GSAP: variants seen among roughly 807,000 people sequenced by gnomAD.
The protein encoded by GSAP is gamma-secretase-activating protein.
GSAP carries 118 observed loss-of-function variants against 131.7 expected under a neutral mutation model. The ratio of observed to expected loss-of-function variants is 0.90; its 90% CI spans 0.77 to 1.04. The LOEUF is 1.04. GSAP is among the 50% of genes least tolerant of loss of function. The probability of loss-of-function intolerance (pLI) is 0.00; values close to 1 mark genes in which losing one functional copy is unlikely to be tolerated. For synonymous variants in GSAP, 381 were observed against 363.4 expected (o/e 1.05, Z -0.55); for missense variants, 1,019 against 1,013.2 (o/e 1.01, Z -0.08).
chr7:77,390,659 C>T (rs1041784423), intron 5 of GSAP, among the ~76,000 whole-genome samples: 22 of 151,874 alleles, frequency 1.4e-4, no homozygotes, highest in Admixed American at 4.6e-4. Context: ...AGCTAAATGA[C>T]GAGTTAATGG....
chr7:77,416,353 G>A, upstream of GSAP: 1 of 1,299,014 alleles, frequency 7.7e-7, no homozygotes, highest in Non-Finnish European at 1.0e-6. Flanking sequence ...CGGCTCTGGG[G>A]CCCCGCACCG....
intron 24 of GSAP, among the ~76,000 whole-genome samples, chr7:77,323,271 T>C (rs1787904110): frequency 6.6e-6 from 1 of 152,210 alleles, no homozygotes; most frequent in Admixed American, 6.5e-5. Flanking sequence ...CTGGAACTAA[T>C]TAAGATTTGA....
chr7:77,348,936 C>G (rs1050843837), intron 19 of GSAP, among the ~76,000 whole-genome samples: 6 of 150,974 alleles, frequency 4.0e-5, no homozygotes, highest in East Asian at 1.9e-4. Context: ...ACTGGAAATT[C>G]TGTGTGTGTG....
At chr7:77,410,861 G>T (rs1465545445) in intron 1 of GSAP, among the ~76,000 whole-genome samples, 1 of 151,852 alleles carries the variant, frequency 6.6e-6, no homozygotes, top group Non-Finnish European at 1.5e-5. Context: ...TACATCAAGA[G>T]GTGACAAAAT....
intron 5 of GSAP, among the ~76,000 whole-genome samples, chr7:77,390,247 T>C (rs1273880485): frequency 6.6e-6 from 1 of 152,188 alleles, no homozygotes; most frequent in African/African-American, 2.4e-5. Context: ...CTGTTCACTC[T>C]GATGGTGGTT....
intron 19 of GSAP, among the ~76,000 whole-genome samples, chr7:77,346,270 C>T (rs1315812431): frequency 2.4e-5 from 1 of 40,902 alleles, no homozygotes; most frequent in African/African-American, 9.9e-5. Flanking sequence ...GACTCCATCT[C>T]AAAAAAAAAA....
At chr7:77,318,467 T>A (rs150248485) in intron 26 of GSAP, among the ~76,000 whole-genome samples, 8 of 152,342 alleles carry the variant, frequency 5.3e-5, no homozygotes, top group African/African-American at 1.9e-4. Context: ...GATGAATATA[T>A]ATGAATGAAG....
intron 1 of GSAP, among the ~76,000 whole-genome samples, chr7:77,408,010 A>G (rs1048608045): frequency 6.6e-6 from 1 of 152,240 alleles, no homozygotes; most frequent in Admixed American, 6.5e-5. Flanking sequence ...GTATGTTTCA[A>G]TTCATACACA....
At chr7:77,342,483 C>G (rs1248667978) in intron 19 of GSAP, among the ~76,000 whole-genome samples, 1 of 152,166 alleles carries the variant, frequency 6.6e-6, no homozygotes, top group African/African-American at 2.4e-5. Flanking sequence ...AAATTATCTG[C>G]TTGCCTGACT....
At chr7:77,341,481 A>G (rs1307000503) in intron 19 of GSAP, among the ~76,000 whole-genome samples, 1 of 152,160 alleles carries the variant, frequency 6.6e-6, no homozygotes, top group Non-Finnish European at 1.5e-5. Context: ...GACCTGCCCA[A>G]CAATTTCCTC....
Position 77,311,462 on chromosome 7 carries a change from GGGGAGAGGGCA to G in GSAP, c.2474-24_2474-14del, listed in dbSNP as rs781060827. ...AAAGGATACAGGGCTGGAAAAAAAT[GGGGAGAGGGCA>G]GGGAAAAAGGGTTACCATGGGTCCG... On this transcript the variant is annotated splice_polypyrimidine_tract_variant and intron_variant, in intron 30 of 30. Transcript: ENST00000257626. The G allele has an allele frequency of 4.7e-6, 7 of 1,499,666 alleles. No individual in the cohort carries two copies. The highest frequency in any genetic ancestry group is 6.5e-6 in the Non-Finnish European group (7 of 1,076,892). The allele number at this position is 1,499,666 out of a possible 1,614,324, so 92.9% of individuals were successfully genotyped here.
chr7:77,376,981 T>G lies in GSAP; in HGVS notation c.682-74A>C, dbSNP rs1009360994. The G allele has an allele frequency of 2.8e-5, 22 of 799,802 alleles. No homozygotes were observed. In the African/African-American group the frequency reaches 3.3e-4, roughly 12 times the overall value. 49.5% of individuals were successfully genotyped at this position (799,802 alleles called of 1,614,324 possible). A position where few individuals can be genotyped will look rare whatever the true frequency, so the allele number is the denominator to read the frequency against. On this transcript the variant is annotated intron_variant, in intron 9 of 30. Coordinates refer to ENST00000257626, the MANE Select transcript of GSAP (RefSeq NM_017439.4). ...AAGGAAGCAGTCAAGAAGCAAAACT[T>G]CACTATTTCCATCAATGAAAATGTA... is the stretch of plus-strand genomic sequence containing the variant.
chr7:77,338,817 A>G (rs1181849650), intron 19 of GSAP, among the ~76,000 whole-genome samples: 4 of 152,190 alleles, frequency 2.6e-5, no homozygotes, highest in African/African-American at 4.8e-5. Flanking sequence ...CCATAGCAAT[A>G]TTGCAATTTA....
intron 26 of GSAP, chr7:77,315,224 A>G (rs145183213): frequency 6.6e-6 from 1 of 152,292 alleles, no homozygotes; most frequent in Non-Finnish European, 1.5e-5. Context: ...AATTCCTATC[A>G]GTGGAAATGA....
At chr7:77,355,787 G>GTTTTTTTTTTTTTTT (rs11353263) in intron 14 of GSAP, 140 bp from the exon 15 acceptor site, 9 of 294,608 alleles carry the variant, frequency 3.1e-5, no homozygotes, top group Admixed American at 5.4e-5. Flanking sequence ...ATGACAGCCC[G>GTTTTTTTTTTTTTTT]TTTTTTTTTT....
At chr7:77,406,184 C>A (rs918728670) in intron 1 of GSAP, 79 bp from the exon 2 acceptor site, 3 of 789,256 alleles carry the variant, frequency 3.8e-6, no homozygotes, top group East Asian at 1.9e-4. Flanking sequence ...TGAAGGAAGC[C>A]AAATATAAAT....
At chr7:77,322,944 T>C (rs1229326251) in intron 24 of GSAP, among the ~76,000 whole-genome samples, 4 of 152,234 alleles carry the variant, frequency 2.6e-5, no homozygotes, top group Admixed American at 1.3e-4. Context: ...CACTGGCTTA[T>C]TTGCATACTG....
intron 5 of GSAP, among the ~76,000 whole-genome samples, chr7:77,394,829 A>C (rs1288510701): frequency 6.6e-6 from 1 of 152,210 alleles, no homozygotes; most frequent in East Asian, 1.9e-4. Flanking sequence ...TGTAGGCAGT[A>C]AATAGATTTT....
chr7:77,362,866 A>G (rs973078022), intron 12 of GSAP, among the ~76,000 whole-genome samples: 2 of 152,218 alleles, frequency 1.3e-5, no homozygotes, highest in Admixed American at 6.5e-5. Flanking sequence ...ATATAGCAAC[A>G]TATTGTGGCA....
Sources: allele counts gnomAD v4.1 joint callset (sites outside exome capture counted in the v4.1 genomes callset), GRCh38; gene constraint gnomAD v4.1.1; transcripts MANE v1.5; gene names NCBI Gene and HGNC (gene_info 2026-07-23, HGNC 2026-07-21).